Variants in PKIB observed in about 807,000 individuals in gnomAD.
PKIB encodes PKI-beta.
In PKIB, 2 loss-of-function variants were observed where a neutral mutation model predicts 4.5. That is an observed-to-expected ratio of 0.44 (90% CI 0.18 to 1.39). The LOEUF (loss-of-function observed/expected upper bound fraction) is 1.39. PKIB is among the 40% of genes most tolerant of loss of function. The probability of loss-of-function intolerance (pLI) is 0.27; values close to 1 mark genes in which losing one functional copy is unlikely to be tolerated. For synonymous variants in PKIB, 38 were observed against 36.0 expected (o/e 1.06, Z -0.20); for missense variants, 94 against 92.6 (o/e 1.02, Z -0.06).
chr6:122,601,922 A>G (rs1774381939), intron 3 of PKIB, among the ~76,000 whole-genome samples: 1 of 151,996 alleles, frequency 6.6e-6, no homozygotes, highest in Non-Finnish European at 1.5e-5. Context: ...GTGTTGTTTA[A>G]GGGTCACCTG....
chr6:122,608,137 C>T (rs1186273461), upstream of PKIB, among the ~76,000 whole-genome samples: 2 of 152,186 alleles, frequency 1.3e-5, no homozygotes, highest in African/African-American at 4.8e-5. Context: ...AAAACGATCC[C>T]ATTTCCTGAC....
chr6:122,513,193 C>T (rs1025799170), intron 2 of PKIB, among the ~76,000 whole-genome samples: 2 of 152,196 alleles, frequency 1.3e-5, no homozygotes, highest in Admixed American at 6.5e-5. Context: ...CATGTGCATA[C>T]AGTACTAGCC....
Position 122,598,695 on chromosome 6 carries a change from G to A in PKIB, c.-161+12688G>A, listed in dbSNP as rs117126497. ...CCATCCCAATCTCCCTAAGCCTTTC[G>A]ATCCCTTCCTCTACATTAAACCAAG... On this transcript the variant is annotated intron_variant, in intron 3 of 6. Coordinates refer to the PKIB transcript ENST00000392491. Among the ~76,000 whole-genome samples, 1,426 of 152,186 alleles carry A rather than the reference G, an allele frequency of 9.4e-3. 6 individuals are homozygous for A. Among genetic ancestry groups the A allele is most frequent in the Middle Eastern group, 0.027 (8 of 292 alleles).
At chr6:122,526,734 A>G (rs1777101264) in intron 2 of PKIB, among the ~76,000 whole-genome samples, 1 of 152,088 alleles carries the variant, frequency 6.6e-6, no homozygotes. Flanking sequence ...TTAAGGTTCT[A>G]GGATTTTTCA....
At chr6:122,550,382 T>A (rs1319367613) in intron 2 of PKIB, among the ~76,000 whole-genome samples, 1 of 152,244 alleles carries the variant, frequency 6.6e-6, no homozygotes, top group African/African-American at 2.4e-5. Context: ...TCTATATTTA[T>A]TGCTTAAATT....
chr6:122,691,465 A>G (rs1220648377), intron 3 of PKIB, among the ~76,000 whole-genome samples: 2 of 152,146 alleles, frequency 1.3e-5, no homozygotes, highest in South Asian at 2.1e-4. Context: ...CAATTCTGCT[A>G]TTAAGAGACT....
intron 2 of PKIB, among the ~76,000 whole-genome samples, chr6:122,545,185 C>T: frequency 6.6e-6 from 1 of 151,990 alleles, no homozygotes; most frequent in East Asian, 1.9e-4. Flanking sequence ...AAGACACATG[C>T]ACATATGTTC....
At chr6:122,639,512 GAC>G (rs1776048195) in intron 2 of PKIB, among the ~76,000 whole-genome samples, 1 of 152,166 alleles carries the variant, frequency 6.6e-6, no homozygotes, top group African/African-American at 2.4e-5. Flanking sequence ...CAGAGCTAAA[GAC>G]ACTGCAATTC....
At chr6:122,519,507 CAAA>C (rs1776869864) in intron 2 of PKIB, among the ~76,000 whole-genome samples, 2 of 152,060 alleles carry the variant, frequency 1.3e-5, no homozygotes, top group African/African-American at 2.4e-5. Context: ...TCCCTGGTGT[CAAA>C]AAGGTTGGAG....
At chr6:122,598,624 C>T (rs535932622) in intron 3 of PKIB, among the ~76,000 whole-genome samples, 1 of 152,262 alleles carries the variant, frequency 6.6e-6, no homozygotes, top group Admixed American at 6.5e-5. Flanking sequence ...TCTGTCTGAA[C>T]CCTCCCAGCT....
At chr6:122,475,417 A>G (rs1238291759) in intron 1 of PKIB, among the ~76,000 whole-genome samples, 1 of 152,142 alleles carries the variant, frequency 6.6e-6, no homozygotes, top group Non-Finnish European at 1.5e-5. Flanking sequence ...CACTCCAGAG[A>G]CTGAGGCAGG....
At chr6:122,472,781 G>T (rs956165317) in intron 1 of PKIB, among the ~76,000 whole-genome samples, 1 of 152,108 alleles carries the variant, frequency 6.6e-6, no homozygotes, top group African/African-American at 2.4e-5. Context: ...CTTATCTGTG[G>T]TTTTGTAGAC....
chr6:122,686,578 G>A (rs949100639), intron 3 of PKIB, among the ~76,000 whole-genome samples: 4 of 151,754 alleles, frequency 2.6e-5, no homozygotes, highest in African/African-American at 9.7e-5. Flanking sequence ...GCTCGCTGCA[G>A]CCTTAACTTC....
intron 1 of PKIB, among the ~76,000 whole-genome samples, chr6:122,613,455 AC>A: frequency 6.6e-6 from 1 of 152,274 alleles, no homozygotes; most frequent in East Asian, 1.9e-4. Flanking sequence ...TACAAAAATC[AC>A]ATATTAGACC....
chr6:122,515,875 C>G (rs891764947), intron 2 of PKIB, among the ~76,000 whole-genome samples: 1 of 152,018 alleles, frequency 6.6e-6, no homozygotes, highest in Admixed American at 6.6e-5. Flanking sequence ...ACCACCACGC[C>G]CTGCTAATTT....
rs1292224546 is a variant in PKIB, at chr6:122,597,028, C to A, written c.-161+11021C>A. 1.3e-5 allele frequency among the ~76,000 whole-genome samples: 2 copies of A among 152,202 alleles called. 1 individual carries two copies. The highest frequency in any genetic ancestry group is 2.9e-5 in the Non-Finnish European group (2 of 68,042). ...GGGCCAAATGCAGCAACTTATCCTT[C>A]ACTTTAGAAAGAATATCTTGACAGG... On this transcript the variant is annotated intron_variant, in intron 3 of 6. Coordinates refer to the PKIB transcript ENST00000392491.
At chr6:122,646,385 T>C (rs188374007) in intron 2 of PKIB, among the ~76,000 whole-genome samples, 78 of 152,322 alleles carry the variant, frequency 5.1e-4, no homozygotes, top group African/African-American at 1.8e-3. Flanking sequence ...ATAGTGACTC[T>C]TTTGCTTGAG....
chr6:122,511,764 C>G (rs1009308479), intron 2 of PKIB, among the ~76,000 whole-genome samples: 1 of 152,184 alleles, frequency 6.6e-6, no homozygotes, highest in Admixed American at 6.5e-5. Flanking sequence ...GGAGGCAGTA[C>G]GTCATAGGCG....
At chr6:122,625,935 GGCATGGGCCTGAAATTCCA>G (rs1158977602) in intron 1 of PKIB, among the ~76,000 whole-genome samples, 1 of 152,118 alleles carries the variant, frequency 6.6e-6, no homozygotes, top group African/African-American at 2.4e-5. Flanking sequence ...CAGGTGTTGT[GGCATGGGCCTGAAATTCCA>G]GCTACTCAGG....
Sources: allele counts gnomAD v4.1 joint callset (sites outside exome capture counted in the v4.1 genomes callset), GRCh38; gene constraint gnomAD v4.1.1; transcripts MANE v1.5; gene names NCBI Gene and HGNC (gene_info 2026-07-23, HGNC 2026-07-21).